GRM7: variants seen among roughly 807,000 people sequenced by gnomAD.
GRM7 encodes the protein glutamate metabotropic receptor 7.
GRM7 carries 35 observed loss-of-function variants against 84.5 expected under a neutral mutation model. The observed-to-expected ratio is 0.41, with a 90% CI of 0.32 to 0.55. The LOEUF is 0.55. Among genes scored for constraint, GRM7 ranks in the 20% least tolerant of loss-of-function variants. The pLI, the probability that GRM7 is intolerant of heterozygous loss-of-function variation, is 0.19. For missense variants in GRM7, 1,003 were observed against 1,194.6 expected (o/e 0.84, Z 2.36); for synonymous variants, 487 against 455.1 (o/e 1.07, Z -0.89).
At chr3:7,089,213 A>C (rs1237697363) in intron 1 of GRM7, among the ~76,000 whole-genome samples, 1 of 152,210 alleles carries the variant, frequency 6.6e-6, no homozygotes, top group Non-Finnish European at 1.5e-5. Flanking sequence ...GATAGCATAA[A>C]ATCTATAGAA....
intron 2 of GRM7, among the ~76,000 whole-genome samples, chr3:7,207,440 C>T (rs879910642): frequency 7.9e-5 from 12 of 152,116 alleles, no homozygotes; most frequent in African/African-American, 2.9e-4. Flanking sequence ...TCTTAGTTTC[C>T]TTTTCATCTA....
chr3:7,093,468 A>G (rs1011650085), intron 1 of GRM7, among the ~76,000 whole-genome samples: 1 of 151,814 alleles, frequency 6.6e-6, no homozygotes, highest in Non-Finnish European at 1.5e-5. Context: ...TCACGAGGTC[A>G]GGAGTTCGAG....
At chr3:6,910,734 A>T (rs1268574737) in intron 1 of GRM7, among the ~76,000 whole-genome samples, 3 of 152,110 alleles carry the variant, frequency 2.0e-5, no homozygotes, top group African/African-American at 4.8e-5. Flanking sequence ...CAAACAAAGG[A>T]TTGTTCTCTG....
At chr3:7,488,714 A>G (rs1699411983) in intron 7 of GRM7, among the ~76,000 whole-genome samples, 1 of 152,184 alleles carries the variant, frequency 6.6e-6, no homozygotes, top group South Asian at 2.1e-4. Context: ...TTTATGAATT[A>G]CCCAGCCTCG....
intron 1 of GRM7, among the ~76,000 whole-genome samples, chr3:6,882,654 G>T (rs1421432100): frequency 1.3e-5 from 2 of 152,140 alleles, no homozygotes; most frequent in Non-Finnish European, 2.9e-5. Flanking sequence ...GGTACACACA[G>T]GCACAATGCA....
At chr3:7,023,923 C>T (rs992796214) in intron 1 of GRM7, among the ~76,000 whole-genome samples, 3 of 152,124 alleles carry the variant, frequency 2.0e-5, no homozygotes, top group African/African-American at 7.2e-5. Flanking sequence ...CTCTTCAGGG[C>T]AGAGAATGCG....
chr3:7,334,513 A>C (rs1701330351), intron 4 of GRM7, among the ~76,000 whole-genome samples: 1 of 149,088 alleles, frequency 6.7e-6, no homozygotes, highest in South Asian at 2.2e-4. Flanking sequence ...AAAAACAAAA[A>C]CACAACATAC....
intron 1 of GRM7, among the ~76,000 whole-genome samples, chr3:7,032,728 T>G (rs1461176929): frequency 6.6e-6 from 1 of 152,114 alleles, no homozygotes; most frequent in Admixed American, 6.5e-5. Context: ...GTACATTAAT[T>G]TTTACTCAGA....
At chr3:7,518,404 C>T (rs1700470749) in intron 7 of GRM7, among the ~76,000 whole-genome samples, 1 of 152,146 alleles carries the variant, frequency 6.6e-6, no homozygotes, top group Non-Finnish European at 1.5e-5. Flanking sequence ...TGCCATGACA[C>T]CTTATTTAAT....
At chr3:7,477,196 A>G (rs553497947) in intron 7 of GRM7, among the ~76,000 whole-genome samples, 153 of 152,294 alleles carry the variant, frequency 1.0e-3, no homozygotes, top group African/African-American at 3.5e-3. Flanking sequence ...AGAGATTTCA[A>G]AAGCATTTCT....
chr3:7,378,796 T>C (rs1199902518), intron 4 of GRM7, among the ~76,000 whole-genome samples: 2 of 152,182 alleles, frequency 1.3e-5, no homozygotes, highest in Non-Finnish European at 2.9e-5. Flanking sequence ...TATCAGGATT[T>C]TGCCACATTT....
chr3:7,120,856 G>C lies in GRM7; in HGVS notation c.520-25596G>C, dbSNP rs78612891. On this transcript the variant is annotated intron_variant, in intron 1 of 9. Coordinates refer to ENST00000357716, the MANE Select transcript of GRM7 (RefSeq NM_000844.4). ...GGAGAATAGTTTTTATTTGTTAGAA[G>C]GGTTGGAATTATGAAATTCAAGTTA... is the stretch of plus-strand genomic sequence containing the variant. 9.8e-3 allele frequency among the ~76,000 whole-genome samples: 1,494 copies of C among 152,204 alleles called. 25 individuals carry two copies. The highest frequency in any genetic ancestry group is 0.034 in the African/African-American group (1,396 of 41,536).
intron 9 of GRM7, among the ~76,000 whole-genome samples, chr3:7,733,108 T>G (rs1476858763): frequency 3.3e-5 from 5 of 152,168 alleles, no homozygotes; most frequent in Non-Finnish European, 7.4e-5. Flanking sequence ...CATGCTATTT[T>G]ATCAGCAAGG....
chr3:7,331,584 A>G (rs1212126648), intron 4 of GRM7, among the ~76,000 whole-genome samples: 1 of 152,178 alleles, frequency 6.6e-6, no homozygotes, highest in Non-Finnish European at 1.5e-5. Flanking sequence ...CATGGACCCT[A>G]TAGCCAAAAG....
rs1319566555 is a variant in GRM7 at position 7,623,805 on chromosome 3, C to T, written c.2451+44448C>T. Among the ~76,000 whole-genome samples, 5 of 152,090 alleles carry T rather than the reference C, an allele frequency of 3.3e-5. No individual in the cohort carries two copies. In the East Asian group the frequency reaches 9.6e-4, roughly 29 times the overall value. ...TCTATGATAAAATAACATACATAATCCACAAGTCCCAACAGAACTGAGGGT... is the reference window on the plus strand; with the variant it reads ...TCTATGATAAAATAACATACATAATTCACAAGTCCCAACAGAACTGAGGGT... On this transcript the variant is annotated intron_variant, in intron 8 of 9. Transcript: ENST00000357716.
chr3:7,511,174 G>A (rs966334277), intron 7 of GRM7, among the ~76,000 whole-genome samples: 31 of 152,276 alleles, frequency 2.0e-4, no homozygotes, highest in Admixed American at 1.4e-3. Flanking sequence ...CAGAAAAAGT[G>A]AGCCTGAGGA....
chr3:7,452,760 C>G lies in GRM7; in HGVS notation c.1328C>G (p.Ala443Gly). The change falls in exon 6 of 10, where the codon GCT becomes GGT. Residue 443 changes from alanine to glycine, a missense_variant. Transcript: ENST00000357716. ...GGTGTCTGCCCAGAGATGGAGCAAG[C>G]TGGAGGCAAGAAGTTGCTGAAGTAT... ...YRGVCPEMEQ[A>G]GGKKLLKYIR... The G allele has an allele frequency of 1.2e-6, 2 of 1,613,390 alleles. No individual in the cohort carries two copies. Among genetic ancestry groups the G allele is most frequent in the Non-Finnish European group, 1.7e-6 (2 of 1,179,556 alleles).
At chr3:7,310,802 T>C (rs921327392) in intron 4 of GRM7, among the ~76,000 whole-genome samples, 1 of 152,178 alleles carries the variant, frequency 6.6e-6, no homozygotes, top group Non-Finnish European at 1.5e-5. Context: ...TGTTCCACTT[T>C]TTATGGTTTC....
intron 7 of GRM7, among the ~76,000 whole-genome samples, chr3:7,518,719 C>T (rs1008909360): frequency 5.3e-5 from 8 of 152,132 alleles, no homozygotes; most frequent in African/African-American, 1.9e-4. Flanking sequence ...AATTTAAAAC[C>T]ATAGCTGCTC....
Sources: allele counts gnomAD v4.1 joint callset (sites outside exome capture counted in the v4.1 genomes callset), GRCh38; gene constraint gnomAD v4.1.1; transcripts MANE v1.5; gene names NCBI Gene and HGNC (gene_info 2026-07-23, HGNC 2026-07-21).